The following NFS1 variants were observed in gnomAD, a reference collection of about 807,000 sequenced individuals.
The protein encoded by NFS1 is cysteine desulfurase.
NFS1 carries 26 observed loss-of-function variants against 57.3 expected under a neutral mutation model. That is an observed-to-expected ratio of 0.45 (90% CI 0.33 to 0.63). NFS1 has a LOEUF of 0.63. Among genes scored for constraint, NFS1 ranks in the 20% least tolerant of loss-of-function variants. The pLI is 0.02. For missense variants in NFS1, 505 were observed against 605.8 expected (o/e 0.83, Z 1.75); for synonymous variants, 209 against 216.3 (o/e 0.97, Z 0.30).
At chr20:35,698,676 G>A in intron 1 of NFS1, 86 bp from the exon 2 acceptor site, 1 of 1,484,404 alleles carries the variant, frequency 6.7e-7, no homozygotes, top group Non-Finnish European at 9.0e-7. Context: ...GAAAAATCTG[G>A]CTGGAGGTGA....
chr20:35,675,093 T>G lies in NFS1; in HGVS notation c.900A>C (p.Leu300Phe). Residue 300 changes from leucine (L) to phenylalanine (F), a missense_variant, in exon 8 of 13, where the codon TTA (leucine) becomes TTC (phenylalanine). Leu to Phe is a conservative substitution (Grantham distance 22, BLOSUM62 0). Coordinates refer to ENST00000374092, the MANE Select transcript of NFS1 (RefSeq NM_021100.5). ...GMRSGTVPTP[L>F]VVGLGAACEV... ...CACACGCAGCCCCCAGCCCCACCAC[T>G]AAGGGTGTGGGCACTGTCCCAGACC... The G allele has an allele frequency of 1.9e-6, 3 of 1,614,002 alleles. No homozygotes were observed. The highest frequency in any genetic ancestry group is 2.5e-6 in the Non-Finnish European group (3 of 1,179,960).
intron 11 of NFS1, 25 bp downstream of exon 11, chr20:35,673,576 A>T: frequency 6.3e-7 from 1 of 1,597,046 alleles, no homozygotes; most frequent in Non-Finnish European, 8.6e-7. Context: ...TGCCTTTCAT[A>T]AATGTTGCAG....
At chr20:35,685,226 T>C (rs1214174968) in intron 5 of NFS1, among the ~76,000 whole-genome samples, 1 of 151,642 alleles carries the variant, frequency 6.6e-6, no homozygotes, top group Non-Finnish European at 1.5e-5. Context: ...AAGAAAAAAA[T>C]TAGCTGGGCA....
intron 1 of NFS1, 88 bp from the exon 2 acceptor site, chr20:35,698,678 TGGAGGTGAGATAA>T: frequency 1.3e-6 from 2 of 1,483,872 alleles, no homozygotes; most frequent in South Asian, 2.7e-5. Context: ...AAAATCTGGC[TGGAGGTGAGATAA>T]GTGTAAGGGA....
chr20:35,674,412 A>C lies in NFS1; in HGVS notation c.1074T>G (p.Phe358Leu). ...HHYPGCINLS[F>L]AYVEGESLLM... The stretch of plus-strand genomic sequence containing the variant: ...GCAGACTTTCCCCTTCCACATATGC[A>C]AAGGAGAGGTTGATACAGCCTGGAG... The change falls in exon 10 of 13, where the codon TTT (phenylalanine) becomes TTG (leucine). Residue 358 changes from phenylalanine (F) to leucine (L), a missense_variant. By Grantham distance (22) the Phe-to-Leu change is conservative. Transcript: ENST00000374092. The C allele has an allele frequency of 6.2e-7, 1 of 1,614,142 alleles. No individual in the cohort carries two copies. Among genetic ancestry groups the C allele is most frequent in the Non-Finnish European group, 8.5e-7 (1 of 1,180,020 alleles).
intron 4 of NFS1, among the ~76,000 whole-genome samples, chr20:35,694,143 CTTTTT>C (rs750913818): frequency 7.5e-6 from 1 of 134,010 alleles, no homozygotes. Flanking sequence ...GAGACCATGT[CTTTTT>C]TTTTTTTTTT....
chr20:35,679,093 A>T (rs1445579545), intron 7 of NFS1, among the ~76,000 whole-genome samples: 1 of 152,184 alleles, frequency 6.6e-6, no homozygotes, highest in Non-Finnish European at 1.5e-5. Context: ...ACCTGTACAC[A>T]TGTAAGTGTT....
chr20:35,677,982 G>A (rs879399160), intron 7 of NFS1, among the ~76,000 whole-genome samples: 1 of 152,102 alleles, frequency 6.6e-6, no homozygotes, highest in African/African-American at 2.4e-5. Context: ...GGAGGCCAAG[G>A]GTGGGTGGAT....
intron 7 of NFS1, among the ~76,000 whole-genome samples, chr20:35,677,523 G>C (rs1202708760): frequency 6.6e-6 from 1 of 152,126 alleles, no homozygotes. Flanking sequence ...CTGGGCAACA[G>C]ACTGAGACCT....
At chr20:35,685,853 A>G (rs1601528642) in intron 5 of NFS1, among the ~76,000 whole-genome samples, 1 of 142,130 alleles carries the variant, frequency 7.0e-6, no homozygotes, top group Non-Finnish European at 1.5e-5. Context: ...AGCGAAATTC[A>G]GTACCCCCCC....
At chr20:35,687,356 G>A (rs1425220543) in intron 5 of NFS1, among the ~76,000 whole-genome samples, 2 of 152,176 alleles carry the variant, frequency 1.3e-5, no homozygotes, top group Admixed American at 1.3e-4. Context: ...GCAAATTAGT[G>A]AAAGTACTAA....
intron 7 of NFS1, among the ~76,000 whole-genome samples, chr20:35,677,936 C>T (rs748844893): frequency 9.2e-5 from 14 of 152,046 alleles, no homozygotes; most frequent in Non-Finnish European, 4.4e-5. Context: ...GGCATTGGGC[C>T]GGGCACGGGA....
At chr20:35,698,794 G>C (rs1003896019) in intron 1 of NFS1, 1 of 1,390,260 alleles carries the variant, frequency 7.2e-7, no homozygotes, top group African/African-American at 1.5e-5. Context: ...GGTTCCTGGA[G>C]GGGGTGTTGA....
Position 35,675,048 on chromosome 20 carries a change from C to T in NFS1, c.945G>A (p.Met315Ile), listed in dbSNP as rs759444245. Residue 315 changes from methionine to isoleucine, a missense_variant, in exon 8 of 13, where the codon ATG becomes ATA. By Grantham distance (10) the Met-to-Ile change is conservative. Transcript: ENST00000374092. Reference sequence around the variant, plus strand: ...GAGGGAACTGCTCTCCCCATACCTCCATCTCTTGCTGTGCCACCTCACACG... The same window carrying T: ...GAGGGAACTGCTCTCCCCATACCTCTATCTCTTGCTGTGCCACCTCACACG... ...GAACEVAQQE[M>I]EYDHKRISKL... The T allele has an allele frequency of 1.9e-6, 3 of 1,613,846 alleles. No homozygotes were observed. Among genetic ancestry groups the T allele is most frequent in the Non-Finnish European group, 2.5e-6 (3 of 1,179,896 alleles).
intron 4 of NFS1, chr20:35,692,177 ACT>A (rs1392018429): frequency 4.5e-6 from 1 of 220,352 alleles, no homozygotes; most frequent in Non-Finnish European, 8.9e-6. Flanking sequence ...CAAGAGCAAA[ACT>A]CTGTCTCAAA....
chr20:35,671,803 T>C (rs1373581129), intron 12 of NFS1, among the ~76,000 whole-genome samples: 1 of 150,828 alleles, frequency 6.6e-6, no homozygotes, highest in Admixed American at 6.6e-5. Context: ...GGTGGGAGGA[T>C]CACTTGAGCT....
intron 5 of NFS1, among the ~76,000 whole-genome samples, chr20:35,687,145 G>A (rs988395999): frequency 2.6e-5 from 4 of 152,150 alleles, no homozygotes; most frequent in Non-Finnish European, 4.4e-5. Flanking sequence ...AGCAGACCAG[G>A]AAAGGGAATC....
At chr20:35,698,978 G>C (rs985164864) in intron 1 of NFS1, 1 of 1,319,362 alleles carries the variant, frequency 7.6e-7, no homozygotes, top group African/African-American at 1.5e-5. Context: ...GCGCCTCCAC[G>C]GCTCTGGGGG....
rs1370608650 is a variant in NFS1, at chr20:35,669,465, A to G, written c.*157T>C. The G allele has an allele frequency of 7.5e-6, 5 of 669,246 alleles. No individual in the cohort carries two copies. The highest frequency in any genetic ancestry group is 7.1e-5 in the African/African-American group (4 of 55,964). 41.5% of individuals were successfully genotyped at this position (669,246 alleles called of 1,614,324 possible). Reference sequence around the variant, plus strand: ...CAAGGAACTGAAGCTAGGGAAAGACAGTTTTCTTGTGTTTCTGTCATAGAG... The same window carrying G: ...CAAGGAACTGAAGCTAGGGAAAGACGGTTTTCTTGTGTTTCTGTCATAGAG... On this transcript the variant is annotated 3_prime_UTR_variant, in exon 13 of 13. Transcript: ENST00000374092.
Sources: gnomAD v4.1 joint callset for allele counts (sites outside exome capture counted in the v4.1 genomes callset) on GRCh38, gnomAD v4.1.1 for gene constraint, MANE v1.5 for transcripts, NCBI Gene and HGNC (gene_info 2026-07-23, HGNC 2026-07-21) for gene names.